MALAT1: variants seen among roughly 807,000 people sequenced by gnomAD.
MALAT1 encodes the protein metastasis associated lung adenocarcinoma transcript 1.
At chr11:65,501,513 A>C (rs1173230361) in exon 3 of MALAT1, 2 of 518,272 alleles carry the variant, frequency 3.9e-6, no homozygotes, top group African/African-American at 3.9e-5. Context: ...GTTATTTTTT[A>C]CTTGAAGCAT....
At chr11:65,499,829 A>G (rs1275797044) in exon 3 of MALAT1, 2 of 422,532 alleles carry the variant, frequency 4.7e-6, no homozygotes, top group South Asian at 1.8e-5. Flanking sequence ...GGCAAAATGT[A>G]CAAACTTAGA....
exon 3 of MALAT1, chr11:65,499,737 C>G (rs1465771702): frequency 4.6e-6 from 2 of 431,814 alleles, no homozygotes; most frequent in Non-Finnish European, 9.0e-6. Context: ...TAAAAACATA[C>G]TTTTAGAAGA....
exon 3 of MALAT1, chr11:65,503,746 A>T (rs749311342): frequency 3.9e-6 from 2 of 516,528 alleles, no homozygotes; most frequent in Non-Finnish European, 7.7e-6. Context: ...GTCTGCGAAC[A>T]CTCTTTAATG....
chr11:65,498,938 CGAA>C (rs750951117), intron 2 of MALAT1: 18 of 518,580 alleles, frequency 3.5e-5, no homozygotes, highest in Non-Finnish European at 5.8e-5. Flanking sequence ...TATTTTTAAC[CGAA>C]GAACTACTTT....
chr11:65,505,783 TATCCAGTGACTA>T (rs879372744), intron 3 of MALAT1: 1 of 516,012 alleles, frequency 1.9e-6, no homozygotes, highest in Non-Finnish European at 3.9e-6. Context: ...TTATAATACT[TATCCAGTGACTA>T]AAACCAACTT....
At chr11:65,500,450 A>T (rs774965942) in exon 3 of MALAT1, 5 of 518,906 alleles carry the variant, frequency 9.6e-6, no homozygotes, top group Admixed American at 5.8e-5. Context: ...AGCAGACAGG[A>T]TTCCAGGAAC....
intron 3 of MALAT1, chr11:65,505,375 A>AGTAC (rs1854659283): frequency 1.9e-6 from 1 of 518,174 alleles, no homozygotes; most frequent in Non-Finnish European, 3.9e-6. Context: ...GAATGCTTGA[A>AGTAC]GTACCCCTGG....
exon 3 of MALAT1, chr11:65,503,711 TCTTCTCTAATCTTTCAGAAACTTTGTCTG>T (rs755984558): frequency 1.9e-6 from 1 of 517,654 alleles, no homozygotes; most frequent in Non-Finnish European, 3.9e-6. Flanking sequence ...TGGGGGGGAT[TCTTCTCTAATCTTTCAGAAACTTTGTCTG>T]CGAACACTCT....
At chr11:65,499,603 A>G (rs11540789) in exon 3 of MALAT1, 15 of 451,764 alleles carry the variant, frequency 3.3e-5, no homozygotes, top group African/African-American at 2.2e-4. Context: ...ACGAAAATGG[A>G]AAGATTAATT....
intron 1 of MALAT1, chr11:65,498,468 A>G (rs888923337): frequency 2.9e-5 from 15 of 518,478 alleles, no homozygotes; most frequent in African/African-American, 2.7e-4. Context: ...TCACGTTTCT[A>G]AGATTTCCCA....
At chr11:65,500,267 A>C (rs1212918581) in exon 3 of MALAT1, 1 of 518,764 alleles carries the variant, frequency 1.9e-6, no homozygotes, top group Non-Finnish European at 3.9e-6. Context: ...AGTTTGAAAA[A>C]TGTGAAGGAC....
chr11:65,501,447 CTT>C (rs746073535), exon 3 of MALAT1: 3 of 514,436 alleles, frequency 5.8e-6, no homozygotes, highest in African/African-American at 5.8e-5. Context: ...GGTAGTTACT[CTT>C]TTTTCCCCCC....
intron 3 of MALAT1, chr11:65,504,460 C>A (rs1353816618): frequency 1.9e-6 from 1 of 518,830 alleles, no homozygotes. Context: ...GTTGTGTTCC[C>A]CAATGCTTGG....
chr11:65,499,164 T>C (rs779276584), exon 3 of MALAT1: 18 of 511,990 alleles, frequency 3.5e-5, no homozygotes, highest in South Asian at 2.0e-4. Context: ...TTAAAAAATA[T>C]AGTCAATAGG....
chr11:65,501,796 A>G, exon 3 of MALAT1: 1 of 518,706 alleles, frequency 1.9e-6, no homozygotes, highest in South Asian at 1.4e-5. Context: ...CCAAATGTTG[A>G]AGTTAAGTTT....
chr11:65,505,558 C>T (rs1452500466), intron 3 of MALAT1: 1 of 515,608 alleles, frequency 1.9e-6, no homozygotes, highest in South Asian at 1.4e-5. Flanking sequence ...TTCTCTGCCA[C>T]ATCGCCACCC....
exon 3 of MALAT1, chr11:65,499,663 A>G (rs1000567968): frequency 6.9e-6 from 3 of 435,982 alleles, no homozygotes; most frequent in Non-Finnish European, 1.4e-5. Flanking sequence ...TTGAAGTGGA[A>G]AACTGGAAGA....
chr11:65,506,092 T>TTTTTTTTTTTTTA (rs760320357), intron 3 of MALAT1: 2 of 407,954 alleles, frequency 4.9e-6, no homozygotes, highest in African/African-American at 4.3e-5. Flanking sequence ...GGCCTTTTTC[T>TTTTTTTTTTTTTA]AGCTTAAAAA....
At chr11:65,501,065 GAC>G (rs755583255) in exon 3 of MALAT1, 2 of 509,442 alleles carry the variant, frequency 3.9e-6, no homozygotes, top group African/African-American at 3.9e-5. Context: ...GCCAAATTGA[GAC>G]AATTTCAGCA....
Sources: allele counts gnomAD v4.1 joint callset, GRCh38; gene constraint gnomAD v4.1.1; transcripts MANE v1.5; gene names NCBI Gene and HGNC (gene_info 2026-07-23, HGNC 2026-07-21).